PHF2: variants seen among roughly 807,000 people sequenced by gnomAD.
PHF2 encodes the protein lysine-specific demethylase PHF2.
Under a neutral mutation model 120.5 loss-of-function variants are expected in PHF2, and 27 were observed. The ratio of observed to expected loss-of-function variants is 0.22; its 90% CI spans 0.17 to 0.31. The LOEUF is 0.31. Ranked by LOEUF, PHF2 falls within the 10% of genes least tolerant of loss-of-function variation. The pLI, the probability that PHF2 is intolerant of heterozygous loss-of-function variation, is 1.00. For missense variants in PHF2, 1,024 were observed against 1,434.8 expected (o/e 0.71, Z 4.63); for synonymous variants, 568 against 592.5 (o/e 0.96, Z 0.60).
At chr9:93,625,666 C>T (rs112999440) in intron 1 of PHF2, among the ~76,000 whole-genome samples, 9,237 of 151,572 alleles carry the variant, frequency 0.061, 402 homozygotes, top group Admixed American at 0.093. Context: ...TTGGTGGAGC[C>T]AGGGTTTTGC....
chr9:93,617,963 C>T (rs962432762), intron 1 of PHF2, among the ~76,000 whole-genome samples: 1 of 152,246 alleles, frequency 6.6e-6, no homozygotes, highest in African/African-American at 2.4e-5. Flanking sequence ...CCTTTGGCAA[C>T]ATCCTCACAG....
chr9:93,678,333 C>G lies in PHF2; in HGVS notation c.*657C>G, dbSNP rs115526324. On this transcript the variant is annotated 3_prime_UTR_variant, in exon 22 of 22. Coordinates refer to ENST00000359246, the MANE Select transcript of PHF2 (RefSeq NM_005392.4). The stretch of plus-strand genomic sequence containing the variant: ...ACTGGCAGCTGGGTTGGTGTGTTAG[C>G]GGGCAGGGGAGCCATTGTGGGGTCC... 2 of 152,480 alleles carry G rather than the reference C, an allele frequency of 1.3e-5. No homozygotes were observed. Among genetic ancestry groups the G allele is most frequent in the African/African-American group, 4.8e-5 (2 of 41,392 alleles). The allele number at this position is 152,480 out of a possible 1,614,324, so 9.4% of individuals were successfully genotyped here.
At chr9:93,654,180 C>T (rs143519678) in intron 6 of PHF2, among the ~76,000 whole-genome samples, 69 of 152,312 alleles carry the variant, frequency 4.5e-4, no homozygotes, top group African/African-American at 1.6e-3. Flanking sequence ...TGTAGTGCCT[C>T]GAAACAATGT....
intron 1 of PHF2, among the ~76,000 whole-genome samples, chr9:93,623,022 T>C (rs549576910): frequency 6.6e-6 from 1 of 152,164 alleles, no homozygotes; most frequent in Non-Finnish European, 1.5e-5. Context: ...GTCCTGTGCC[T>C]TCATCTGCTC....
In PHF2 at chr9:93,673,593, C is replaced by T. The variant is rs1299077996; in HGVS notation, c.2357C>T (p.Pro786Leu). 7 of 1,563,504 alleles carry T rather than the reference C, an allele frequency of 4.5e-6. No homozygotes were observed. In the Admixed American group the frequency reaches 1.2e-4, roughly 28 times the overall value. The change falls in exon 18 of 22, where the codon CCG (proline) becomes CTG (leucine). Residue 786 changes from proline to leucine, a missense_variant. By Grantham distance (98) the Pro-to-Leu change is moderately conservative (BLOSUM62 -3). Around this residue, in one of 2 missense-constraint regions of PHF2, gnomAD observed 677 missense variants for 857.4 expected, o/e 0.79. Coordinates refer to ENST00000359246, the MANE Select transcript of PHF2 (RefSeq NM_005392.4). Reference sequence around the variant, plus strand: ...TCTCTCTGTGCCCCTAGCCAGCCCCCGGCCTCCCCCAGCACACAGGAAGCC... The same window carrying T: ...TCTCTCTGTGCCCCTAGCCAGCCCCTGGCCTCCCCCAGCACACAGGAAGCC... ...ALEYNPSSQP[P>L]ASPSTQEAIQ...
intron 1 of PHF2, among the ~76,000 whole-genome samples, chr9:93,605,920 T>C (rs1224354495): frequency 6.6e-6 from 1 of 152,186 alleles, no homozygotes; most frequent in South Asian, 2.1e-4. Flanking sequence ...TTTGGGTAGA[T>C]ACCAAGGAGT....
intron 5 of PHF2, among the ~76,000 whole-genome samples, chr9:93,651,361 G>A (rs902743416): frequency 1.3e-5 from 2 of 152,140 alleles, no homozygotes; most frequent in Non-Finnish European, 2.9e-5. Flanking sequence ...GGCCTTTCAG[G>A]GCCACCCCTT....
chr9:93,605,074 A>G (rs892800508), intron 1 of PHF2, among the ~76,000 whole-genome samples: 2 of 152,216 alleles, frequency 1.3e-5, no homozygotes, highest in African/African-American at 2.4e-5. Context: ...GAGAGTTCCC[A>G]CATAACTCCT....
chr9:93,597,172 G>A (rs1197215896), intron 1 of PHF2, among the ~76,000 whole-genome samples: 3 of 151,972 alleles, frequency 2.0e-5, no homozygotes, highest in African/African-American at 4.8e-5. Flanking sequence ...CTCATGGTCC[G>A]CCTGCCTCAG....
chr9:93,662,030 G>T (rs1826577777), intron 12 of PHF2, among the ~76,000 whole-genome samples: 1 of 151,040 alleles, frequency 6.6e-6, no homozygotes, highest in Non-Finnish European at 1.5e-5. Context: ...GATGATGAAT[G>T]AATCAACAAA....
intron 3 of PHF2, among the ~76,000 whole-genome samples, chr9:93,638,231 G>C (rs1826123093): frequency 1.3e-5 from 2 of 151,322 alleles, no homozygotes; most frequent in Non-Finnish European, 2.9e-5. Context: ...CCTATTCTGT[G>C]GGTTGTCTTT....
At position 93,677,197 on chromosome 9, in the gene PHF2, T is replaced by C. The variant is rs41276202; in HGVS notation, c.3202+234T>C. ...CAGTGGGCGTGCTCAGCCCCTGATC[T>C]GCCTGCACCCCTGCACCCCAGCCGT... On this transcript the variant is annotated intron_variant, in intron 21 of 21. Transcript: ENST00000359246. This position sits in a 1 kb window ranked among gnomAD's most constrained non-coding sequence, Gnocchi z 4.4. 0.023 allele frequency among the ~76,000 whole-genome samples: 3,433 copies of C among 150,676 alleles called. 124 individuals are homozygous for C. The highest frequency in any genetic ancestry group is 0.079 in the African/African-American group (3,230 of 41,016).
Position 93,676,577 on chromosome 9 carries a change from G to C in PHF2, c.2833-17G>C. 1 of 1,576,584 alleles carries C rather than the reference G, an allele frequency of 6.3e-7. No individual in the cohort carries two copies. Among genetic ancestry groups the C allele is most frequent in the Non-Finnish European group, 8.6e-7 (1 of 1,156,514 alleles). On this transcript the variant is annotated splice_polypyrimidine_tract_variant and intron_variant, in intron 20 of 21. Coordinates refer to ENST00000359246, the MANE Select transcript of PHF2 (RefSeq NM_005392.4). ...TGGGCTGTGCGTCTGAGGCTGCCCT[G>C]CATGTTTTGTTCAAAGGAGGAGCAG...
At chr9:93,584,870 A>G (rs1279879835) in intron 1 of PHF2, among the ~76,000 whole-genome samples, 1 of 152,170 alleles carries the variant, frequency 6.6e-6, no homozygotes, top group Non-Finnish European at 1.5e-5. Context: ...TGAACGTGGG[A>G]TACCTTTTCA....
chr9:93,647,884 A>G lies in PHF2; in HGVS notation c.461-1187A>G, dbSNP rs1826289169. 3.8e-5 allele frequency among the ~76,000 whole-genome samples: 5 copies of G among 131,350 alleles called. No homozygotes were observed. The South Asian group carries it at 1.1e-3, about 29-fold the overall frequency. The allele number at this position is 131,350 out of a possible 152,430, so 86.2% of individuals were successfully genotyped here. A position where few individuals can be genotyped will look rare whatever the true frequency, so the allele number is the denominator to read the frequency against. On this transcript the variant is annotated intron_variant, in intron 4 of 21. Coordinates refer to ENST00000359246, the MANE Select transcript of PHF2 (RefSeq NM_005392.4). ...AGCCTGGGCAAAAGAATGAGATTTC[A>G]TCTCAAAAAAAAAAAATTCTTTTTA...
At chr9:93,661,005 G>A (rs1826555736) in intron 12 of PHF2, among the ~76,000 whole-genome samples, 1 of 145,950 alleles carries the variant, frequency 6.9e-6, no homozygotes, top group Non-Finnish European at 1.5e-5. Context: ...GGTCCTCCCT[G>A]GGGCCAAGAC....
At chr9:93,620,809 C>T (rs1237540942) in intron 1 of PHF2, among the ~76,000 whole-genome samples, 6 of 152,118 alleles carry the variant, frequency 3.9e-5, no homozygotes, top group African/African-American at 7.2e-5. Flanking sequence ...TCTTATTTTT[C>T]GTTTTGCCAA....
chr9:93,630,122 G>T (rs933561879), intron 2 of PHF2, 67 bp downstream of exon 2: 1 of 1,488,664 alleles, frequency 6.7e-7, no homozygotes, highest in Non-Finnish European at 9.4e-7. Flanking sequence ...CCTGGGCTGC[G>T]TGGAGGGTGA....
chr9:93,659,236 C>G (rs1002257107), intron 10 of PHF2, among the ~76,000 whole-genome samples: 1 of 152,248 alleles, frequency 6.6e-6, no homozygotes, highest in Non-Finnish European at 1.5e-5. Flanking sequence ...GTGGAGTGGC[C>G]TCTGACCAGG....
Sources: gnomAD v4.1 joint callset for allele counts (sites outside exome capture counted in the v4.1 genomes callset) on GRCh38, gnomAD v4.1.1 for gene constraint, gnomAD v4.1.1 regional missense constraint, Gnocchi (gnomAD v3.1) non-coding constraint, MANE v1.5 for transcripts, NCBI Gene and HGNC (gene_info 2026-07-23, HGNC 2026-07-21) for gene names.